PLXNA2: variants seen among roughly 807,000 people sequenced by gnomAD.
The protein encoded by PLXNA2 is plexin A2.
PLXNA2 carries 91 observed loss-of-function variants against 193.5 expected under a neutral mutation model. The observed-to-expected ratio is 0.47, with a 90% CI of 0.40 to 0.56. The LOEUF (loss-of-function observed/expected upper bound fraction) is 0.56, where lower values mean the gene tolerates loss of function less well. Ranked by LOEUF, PLXNA2 falls within the 20% of genes least tolerant of loss-of-function variation. PLXNA2 has a pLI of 0.00. For synonymous variants in PLXNA2, 997 were observed against 1,027.3 expected (o/e 0.97, Z 0.56); for missense variants, 1,995 against 2,503.2 (o/e 0.80, Z 4.33).
At chr1:208,067,395 A>G (rs1428407101) in intron 12 of PLXNA2, among the ~76,000 whole-genome samples, 1 of 152,150 alleles carries the variant, frequency 6.6e-6, no homozygotes. Context: ...TAATTAAAGA[A>G]GGAAACAATT....
intron 11 of PLXNA2, among the ~76,000 whole-genome samples, chr1:208,081,194 G>C (rs1433616581): frequency 6.6e-6 from 1 of 152,184 alleles, no homozygotes; most frequent in Non-Finnish European, 1.5e-5. Context: ...TTTTAGCAGT[G>C]AGAAAGTTTG....
chr1:208,028,036 G>A lies in PLXNA2; in HGVS notation c.5562C>T (p.Tyr1854=), dbSNP rs1664391440. Residue 1854 remains tyrosine (Y), a synonymous_variant, in exon 31 of 32, where the codon TAC becomes TAT. Transcript: ENST00000367033. The surrounding 1 kb of genome is among the most constrained non-coding windows in gnomAD (Gnocchi z 4.2). ...FNMLSALNEI[Y]SYVSKYSEEL... ...CCTCACTATACTTGCTGACATAGGA[G>A]TAGATCTCATTGAGGGCACTCAGCA... The A allele has an allele frequency of 1.2e-6, 2 of 1,612,090 alleles. No homozygotes were observed. The highest frequency in any genetic ancestry group is 1.3e-5 in the African/African-American group (1 of 74,824).
At chr1:208,081,011 C>CG (rs1666321541) in intron 11 of PLXNA2, among the ~76,000 whole-genome samples, 1 of 152,152 alleles carries the variant, frequency 6.6e-6, no homozygotes, top group Non-Finnish European at 1.5e-5. Context: ...GGAGGTGATA[C>CG]GAATGTGAAG....
At chr1:208,175,406 G>A (rs898785357) in intron 3 of PLXNA2, among the ~76,000 whole-genome samples, 1 of 152,164 alleles carries the variant, frequency 6.6e-6, no homozygotes, top group African/African-American at 2.4e-5. Context: ...GTCTCTTCTT[G>A]TTCCCCCACT....
rs186139282 is a variant in PLXNA2 at position 208,050,685 on chromosome 1, A to G, written c.3255+324T>C. ...TCATCTCTAAAATAATAATAATAATAAACTAGCCAAGCATGCGCCTGTGGT... is the reference window on the plus strand; with the variant it reads ...TCATCTCTAAAATAATAATAATAATGAACTAGCCAAGCATGCGCCTGTGGT... On this transcript the variant is annotated intron_variant, in intron 17 of 31. Transcript: ENST00000367033. 6.1e-3 allele frequency among the ~76,000 whole-genome samples: 932 copies of G among 152,110 alleles called. 2 individuals are homozygous for G. Among genetic ancestry groups the G allele is most frequent in the Non-Finnish European group, 8.3e-3 (566 of 67,990 alleles).
intron 28 of PLXNA2, among the ~76,000 whole-genome samples, chr1:208,032,483 G>A (rs1664533491): frequency 6.6e-6 from 1 of 152,296 alleles, no homozygotes; most frequent in African/African-American, 2.4e-5. Context: ...GGGGTCTCGT[G>A]GAATATTTCT....
At chr1:208,189,280 A>G (rs1670102171) in intron 3 of PLXNA2, among the ~76,000 whole-genome samples, 1 of 152,290 alleles carries the variant, frequency 6.6e-6, no homozygotes, top group Admixed American at 6.5e-5. Context: ...TGTCACTCAC[A>G]TGATCATGCC....
chr1:208,072,475 G>A (rs540397864), intron 12 of PLXNA2, among the ~76,000 whole-genome samples: 1 of 152,240 alleles, frequency 6.6e-6, no homozygotes, highest in East Asian at 1.9e-4. Flanking sequence ...CCTGATCTCT[G>A]TTCTTGCCTG....
rs180742631 is a variant in PLXNA2 at position 208,060,898 on chromosome 1, C to A, written c.2587-61G>T. On this transcript the variant is annotated intron_variant, in intron 12 of 31. Transcript: ENST00000367033. ...GTCACAGGAACAGAAACAGCAGCAC[C>A]CTTCCCCCTCCCCCAGGGAGGTTTA... is the stretch of plus-strand genomic sequence containing the variant. 1.3e-5 allele frequency: 19 copies of A among 1,517,050 alleles called. No homozygotes were observed. In the Admixed American group the frequency reaches 3.0e-4, roughly 24 times the overall value. 94.0% of individuals were successfully genotyped at this position (1,517,050 alleles called of 1,614,324 possible). A position where few individuals can be genotyped will look rare whatever the true frequency, so the allele number is the denominator to read the frequency against.
At position 208,220,382 on chromosome 1, in the gene PLXNA2, T is replaced by C. The variant is rs188516048; in HGVS notation, c.-80-2380A>G. Among the ~76,000 whole-genome samples, 21 of 152,276 alleles carry C rather than the reference T, an allele frequency of 1.4e-4. No individual in the cohort carries two copies. The East Asian group carries it at 4.1e-3, about 29-fold the overall frequency. On this transcript the variant is annotated intron_variant, in intron 1 of 31. Coordinates refer to ENST00000367033, the MANE Select transcript of PLXNA2 (RefSeq NM_025179.4). ...AAATGAGACAATATAGAGACCAACCTCTTAGCATGGTTGCAGGCACACAGT... is the reference window on the plus strand; with the variant it reads ...AAATGAGACAATATAGAGACCAACCCCTTAGCATGGTTGCAGGCACACAGT...
chr1:208,136,449 G>T (rs1000769158), intron 4 of PLXNA2, among the ~76,000 whole-genome samples: 1 of 152,172 alleles, frequency 6.6e-6, no homozygotes, highest in South Asian at 2.1e-4. Flanking sequence ...TGTTACTTAC[G>T]TGGAGAAACC....
intron 1 of PLXNA2, among the ~76,000 whole-genome samples, chr1:208,224,687 G>T (rs1179823105): frequency 6.6e-6 from 1 of 151,996 alleles, no homozygotes; most frequent in Non-Finnish European, 1.5e-5. Flanking sequence ...GCTATACCTT[G>T]CCCCAGAGTG....
At chr1:208,207,030 G>T (rs1425809295) in intron 3 of PLXNA2, among the ~76,000 whole-genome samples, 2 of 151,362 alleles carry the variant, frequency 1.3e-5, no homozygotes, top group East Asian at 3.9e-4. Context: ...TTTTGAGATG[G>T]AGTCTCACTC....
rs142549025 is a variant in PLXNA2, at chr1:208,029,017, C to T, written c.5251G>A (p.Val1751Met). The T allele has an allele frequency of 1.2e-4, 197 of 1,613,948 alleles. No individual in the cohort carries two copies. The highest frequency in any genetic ancestry group is 1.6e-4 in the Middle Eastern group (1 of 6,082). Residue 1751 changes from valine to methionine, a missense_variant, in exon 30 of 32, where the codon GTG (valine) becomes ATG (methionine). By Grantham distance (21) the Val-to-Met change is conservative. Transcript: ENST00000367033. ...AACACGAACTGGGGGTTCTTAATCA[C>T]GTTCACCCAGAAGCGCAGAGGGAGG... ...NCLPLRFWVN[V>M]IKNPQFVFDI...
rs561918552 is a variant in PLXNA2 at position 208,221,529 on chromosome 1, C to A, written c.-80-3527G>T. ...CCAAGTGAATTCATCTCACAGGACT[C>A]AGGGACTGCCCGCCTGGGAGCAGCT... On this transcript the variant is annotated intron_variant, in intron 1 of 31. Transcript: ENST00000367033. 6.6e-5 allele frequency among the ~76,000 whole-genome samples: 10 copies of A among 152,158 alleles called. No individual in the cohort carries two copies. The East Asian group carries it at 1.9e-3, about 29-fold the overall frequency.
intron 4 of PLXNA2, among the ~76,000 whole-genome samples, chr1:208,107,438 T>C (rs1434908697): frequency 6.6e-6 from 1 of 152,118 alleles, no homozygotes; most frequent in South Asian, 2.1e-4. Context: ...GGGACTACTT[T>C]ATGCCCAGTG....
At chr1:208,029,989 C>A in intron 29 of PLXNA2, 1 of 985,438 alleles carries the variant, frequency 1.0e-6, no homozygotes, top group Non-Finnish European at 1.2e-6. Context: ...GCTTCTTCTT[C>A]TCTCCCCTCC....
intron 12 of PLXNA2, among the ~76,000 whole-genome samples, chr1:208,072,861 A>T (rs1479488837): frequency 6.6e-6 from 1 of 152,190 alleles, no homozygotes; most frequent in Admixed American, 6.5e-5. Flanking sequence ...TTTATCTGGC[A>T]TCTCTTGGTA....
At chr1:208,083,564 A>G (rs1256654410) in intron 10 of PLXNA2, among the ~76,000 whole-genome samples, 1 of 151,944 alleles carries the variant, frequency 6.6e-6, no homozygotes, top group African/African-American at 2.4e-5. Context: ...GTGACCTGGG[A>G]ATCTGACAGC....
Sources: allele counts gnomAD v4.1 joint callset (sites outside exome capture counted in the v4.1 genomes callset), GRCh38; gene constraint gnomAD v4.1.1; non-coding constraint Gnocchi (gnomAD v3.1); transcripts MANE v1.5; gene names NCBI Gene and HGNC (gene_info 2026-07-23, HGNC 2026-07-21).